S100Z: variants seen among roughly 807,000 people sequenced by gnomAD.
The protein encoded by S100Z is S100 calcium binding protein Z, also known as protein S100-Z.
S100Z carries 11 observed loss-of-function variants against 8.5 expected under a neutral mutation model. The ratio of observed to expected loss-of-function variants is 1.30; its 90% CI spans 0.82 to 2.15. The LOEUF is 2.15. Among genes scored for constraint, S100Z ranks in the 30% most tolerant of loss-of-function variants. The pLI is 0.00. For missense variants in S100Z, 126 were observed against 117.9 expected, an observed-to-expected ratio of 1.07 and a Z score of -0.32; for synonymous variants, 34 against 43.8, an observed-to-expected ratio of 0.78 and a Z score of 0.89.
the S100Z span, among the ~76,000 whole-genome samples, chr5:76,944,661 G>A: frequency 6.6e-6 from 1 of 152,164 alleles, no homozygotes; most frequent in African/African-American, 2.4e-5. Flanking sequence ...CTCTTCTGCT[G>A]TCCTTATTTA....
the S100Z span, among the ~76,000 whole-genome samples, chr5:76,945,645 C>A: frequency 8.9e-4 from 136 of 152,298 alleles, no homozygotes; most frequent in Middle Eastern, 0.014. Flanking sequence ...AGGCATAGTA[C>A]CTTCCCTTGA....
chr5:76,875,487 C>G lies in S100Z; in HGVS notation c.128C>G (p.Thr43Arg). The part of the protein sequence containing the change: ...ELKLLLQREL[T>R]EFLSCQKETQ... Reference sequence around the variant, plus strand: ...AAACTGCTCCTGCAGCGAGAGCTCACGGAATTCCTCTCGGTGAGTCAGGCC... The same window carrying G: ...AAACTGCTCCTGCAGCGAGAGCTCAGGGAATTCCTCTCGGTGAGTCAGGCC... The change falls in exon 3 of 5, where the codon ACG (threonine) becomes AGG (arginine). Residue 43 changes from threonine (T) to arginine (R), a missense_variant. Physicochemically the swap from Thr to Arg is moderately conservative, Grantham distance 71. Coordinates refer to ENST00000317593, the MANE Select transcript of S100Z (RefSeq NM_130772.4). 6.2e-7 allele frequency: 1 copy of G among 1,607,314 alleles called. No homozygotes were observed.
rs1743718181 is a variant in S100Z at position 76,888,248 on chromosome 5, C to T, written c.*2+10414C>T. On this transcript the variant is annotated intron_variant, in intron 4 of 4. Coordinates refer to ENST00000317593, the MANE Select transcript of S100Z (RefSeq NM_130772.4). ...CTCCAGCCTGGGTGACAGAGCAAGACTCCATCTCAAAAAAAAGAAAAAAAA... is the reference window on the plus strand; with the variant it reads ...CTCCAGCCTGGGTGACAGAGCAAGATTCCATCTCAAAAAAAAGAAAAAAAA... Among the ~76,000 whole-genome samples, 5 of 143,560 alleles carry T rather than the reference C, an allele frequency of 3.5e-5. No individual in the cohort carries two copies. The Admixed American group carries it at 3.5e-4, about 10-fold the overall frequency. The allele number at this position is 143,560 out of a possible 152,430, so 94.2% of individuals were successfully genotyped here.
intron 4 of S100Z, among the ~76,000 whole-genome samples, chr5:76,910,331 A>G (rs1343467823): frequency 1.3e-5 from 2 of 152,136 alleles, no homozygotes; most frequent in African/African-American, 4.8e-5. Flanking sequence ...CCCTGAACAA[A>G]ATCTGGAGGC....
the S100Z span, among the ~76,000 whole-genome samples, chr5:76,947,259 C>T: frequency 1.3e-5 from 2 of 151,860 alleles, no homozygotes; most frequent in Non-Finnish European, 2.9e-5. Context: ...TCCCTTTTGG[C>T]TTACGCTCAA....
At chr5:76,909,492 G>A (rs1744574302) in intron 4 of S100Z, among the ~76,000 whole-genome samples, 1 of 152,130 alleles carries the variant, frequency 6.6e-6, no homozygotes, top group African/African-American at 2.4e-5. Context: ...TTCACTGGAG[G>A]AGAACATACA....
At chr5:76,918,866 T>C (rs1744942663) in intron 4 of S100Z, among the ~76,000 whole-genome samples, 1 of 152,246 alleles carries the variant, frequency 6.6e-6, no homozygotes, top group Non-Finnish European at 1.5e-5. Flanking sequence ...CTCCCACTTG[T>C]CCCTGGCAAT....
chr5:76,929,067 T>C, the S100Z span, among the ~76,000 whole-genome samples: 2 of 152,248 alleles, frequency 1.3e-5, no homozygotes, highest in Non-Finnish European at 2.9e-5. Flanking sequence ...TTGAGTTACC[T>C]TCAGTATTAG....
the S100Z span, among the ~76,000 whole-genome samples, chr5:76,936,038 A>G: frequency 6.6e-6 from 1 of 152,192 alleles, no homozygotes; most frequent in African/African-American, 2.4e-5. Context: ...CGGCGTCCCC[A>G]AGTACTGGGA....
intron 4 of S100Z, among the ~76,000 whole-genome samples, chr5:76,896,680 C>A (rs557366637): frequency 2.5e-4 from 38 of 152,324 alleles, no homozygotes; most frequent in African/African-American, 8.9e-4. Context: ...TCACTTTTCT[C>A]CACATCCTTG....
intron 4 of S100Z, among the ~76,000 whole-genome samples, chr5:76,915,711 G>A (rs1044164276): frequency 6.6e-6 from 1 of 152,114 alleles, no homozygotes; most frequent in African/African-American, 2.4e-5. Context: ...AATGTAAATG[G>A]TTTAACTATA....
At chr5:76,886,520 G>T (rs183794736) in intron 4 of S100Z, among the ~76,000 whole-genome samples, 2 of 152,308 alleles carry the variant, frequency 1.3e-5, no homozygotes, top group African/African-American at 4.8e-5. Flanking sequence ...TCTCTTCATG[G>T]AGTGAGGGCA....
downstream of S100Z, among the ~76,000 whole-genome samples, chr5:76,922,193 C>G (rs953962764): frequency 2.4e-4 from 36 of 152,094 alleles, no homozygotes; most frequent in Non-Finnish European, 3.7e-4. Flanking sequence ...GGGAGAGACT[C>G]TCTCTGGAAT....
intron 4 of S100Z, among the ~76,000 whole-genome samples, chr5:76,901,446 TC>T (rs1319898928): frequency 1.3e-5 from 2 of 152,194 alleles, no homozygotes; most frequent in East Asian, 3.9e-4. Context: ...AAGATGCAGT[TC>T]TTCCCACTTT....
intron 2 of S100Z, among the ~76,000 whole-genome samples, chr5:76,872,327 G>A (rs1332141237): frequency 6.6e-6 from 1 of 152,006 alleles, no homozygotes; most frequent in African/African-American, 2.4e-5. Flanking sequence ...CAGTTCCCTG[G>A]GCCGTGGTCA....
chr5:76,865,528 T>A (rs1015717296), intron 1 of S100Z, among the ~76,000 whole-genome samples: 6 of 151,140 alleles, frequency 4.0e-5, no homozygotes, highest in African/African-American at 1.5e-4. Context: ...ATTACAGGCG[T>A]GAGCCACTGT....
chr5:76,854,289 T>A (rs1164457525), intron 1 of S100Z, among the ~76,000 whole-genome samples: 2 of 152,144 alleles, frequency 1.3e-5, no homozygotes, highest in Non-Finnish European at 2.9e-5. Flanking sequence ...TCTGGAGGGC[T>A]CAGAGGACAA....
downstream of S100Z, among the ~76,000 whole-genome samples, chr5:76,925,543 C>T (rs933945337): frequency 5.9e-5 from 9 of 152,158 alleles, no homozygotes; most frequent in Non-Finnish European, 1.0e-4. Flanking sequence ...TTTGTTCTAA[C>T]GCTCTCAATT....
the S100Z span, among the ~76,000 whole-genome samples, chr5:76,949,261 C>T: frequency 6.6e-6 from 1 of 152,012 alleles, no homozygotes; most frequent in Non-Finnish European, 1.5e-5. Flanking sequence ...TGGTGGCAGG[C>T]GCCTGTAGTA....
Sources: gnomAD v4.1 joint callset for allele counts (sites outside exome capture counted in the v4.1 genomes callset) on GRCh38, gnomAD v4.1.1 for gene constraint, MANE v1.5 for transcripts, NCBI Gene and HGNC (gene_info 2026-07-23, HGNC 2026-07-21) for gene names.